Variants in PARVA observed in about 807,000 individuals in gnomAD.
PARVA encodes parvin alpha, also known as alpha-parvin.
A neutral mutation model predicts 52.6 loss-of-function variants in PARVA; 25 were observed. The ratio of observed to expected loss-of-function variants is 0.48; its 90% CI spans 0.35 to 0.66. The LOEUF is 0.66. Among genes scored for constraint, PARVA ranks in the 30% least tolerant of loss-of-function variants. PARVA has a pLI of 0.01. For missense variants in PARVA, 373 were observed against 450.9 expected, an observed-to-expected ratio of 0.83 and a Z score of 1.56; for synonymous variants, 185 against 179.1, an observed-to-expected ratio of 1.03 and a Z score of -0.26.
At chr11:12,504,524 G>A (rs1941407699) in intron 6 of PARVA, 95 bp downstream of exon 6, 7 of 736,298 alleles carry the variant, frequency 9.5e-6, no homozygotes, top group South Asian at 6.8e-5. Flanking sequence ...AAGGATGGCT[G>A]CATGAATGTT....
At chr11:12,384,821 T>C (rs575119431) in intron 1 of PARVA, among the ~76,000 whole-genome samples, 1 of 152,078 alleles carries the variant, frequency 6.6e-6, no homozygotes, top group African/African-American at 2.4e-5. Flanking sequence ...TGGTCCCGGG[T>C]GTAACAAGAG....
intron 10 of PARVA, among the ~76,000 whole-genome samples, chr11:12,516,410 C>T (rs1245499940): frequency 1.3e-5 from 2 of 152,194 alleles, no homozygotes; most frequent in Admixed American, 1.3e-4. Context: ...CCTGGAACCC[C>T]CTACTCCTCC....
intron 1 of PARVA, among the ~76,000 whole-genome samples, chr11:12,453,215 G>A (rs749869817): frequency 3.9e-5 from 6 of 152,008 alleles, no homozygotes; most frequent in Non-Finnish European, 5.9e-5. Context: ...TGTTGTTAGA[G>A]GTAGCTATGG....
chr11:12,527,825 T>C (rs773010005), intron 12 of PARVA, 24 bp from the exon 13 acceptor site: 1 of 1,576,860 alleles, frequency 6.3e-7, no homozygotes, highest in Non-Finnish European at 8.7e-7. Flanking sequence ...TGGAAACAAT[T>C]GGTGTTTTTT....
chr11:12,524,834 C>T (rs1184575168), intron 12 of PARVA, among the ~76,000 whole-genome samples: 1 of 152,218 alleles, frequency 6.6e-6, no homozygotes, highest in African/African-American at 2.4e-5. Context: ...AGGACAGAGG[C>T]AGATGTTAAT....
At chr11:12,513,431 G>T in intron 9 of PARVA, 71 bp downstream of exon 9, 1 of 1,386,804 alleles carries the variant, frequency 7.2e-7, no homozygotes, top group Non-Finnish European at 1.0e-6. Flanking sequence ...ACCCATCCCT[G>T]CAGCTTGCGA....
At chr11:12,523,918 T>C (rs1453991117) in intron 12 of PARVA, among the ~76,000 whole-genome samples, 3 of 152,256 alleles carry the variant, frequency 2.0e-5, no homozygotes, top group African/African-American at 7.2e-5. Flanking sequence ...TTCTCCTGGC[T>C]GAGATAGTCC....
chr11:12,491,043 G>A (rs760046440), intron 4 of PARVA, among the ~76,000 whole-genome samples: 8 of 152,020 alleles, frequency 5.3e-5, no homozygotes, highest in Non-Finnish European at 7.4e-5. Context: ...GAGAAGAATC[G>A]GAAAACCCAC....
chr11:12,503,868 C>T (rs191252326), intron 5 of PARVA, among the ~76,000 whole-genome samples: 2 of 152,256 alleles, frequency 1.3e-5, no homozygotes, highest in East Asian at 1.9e-4. Flanking sequence ...TTAAGAAAGG[C>T]TTGAGGCTGG....
chr11:12,471,636 A>G (rs1940935837), intron 1 of PARVA, among the ~76,000 whole-genome samples: 1 of 152,248 alleles, frequency 6.6e-6, no homozygotes, highest in Admixed American at 6.5e-5. Flanking sequence ...CCTCACTTAA[A>G]TCATGAGAAC....
At chr11:12,415,974 T>C (rs973893801) in intron 1 of PARVA, among the ~76,000 whole-genome samples, 1 of 152,242 alleles carries the variant, frequency 6.6e-6, no homozygotes, top group African/African-American at 2.4e-5. Flanking sequence ...TATGCTTGCC[T>C]TATTGGGGGC....
chr11:12,514,293 ATTG>A (rs1941541819), intron 10 of PARVA, among the ~76,000 whole-genome samples: 1 of 152,230 alleles, frequency 6.6e-6, no homozygotes, highest in South Asian at 2.1e-4. Flanking sequence ...GGATGCACCG[ATTG>A]TTAATATTTG....
intron 6 of PARVA, 91 bp downstream of exon 6, chr11:12,504,520 G>A: frequency 1.3e-6 from 1 of 753,736 alleles, no homozygotes; most frequent in Non-Finnish European, 2.3e-6. Flanking sequence ...TTAGAAGGAT[G>A]GCTGCATGAA....
chr11:12,436,407 C>G (rs1468346104), intron 1 of PARVA, among the ~76,000 whole-genome samples: 1 of 152,192 alleles, frequency 6.6e-6, no homozygotes, highest in Non-Finnish European at 1.5e-5. Context: ...CATTCAGTAA[C>G]AGTCTCCCAT....
chr11:12,486,571 T>G (rs1941161488), intron 4 of PARVA, among the ~76,000 whole-genome samples: 1 of 151,070 alleles, frequency 6.6e-6, no homozygotes, highest in Non-Finnish European at 1.5e-5. Flanking sequence ...TAAAGCTGGG[T>G]GCGGTGGCTC....
At chr11:12,378,165 T>C (rs1939431873) in intron 1 of PARVA, among the ~76,000 whole-genome samples, 1 of 152,062 alleles carries the variant, frequency 6.6e-6, no homozygotes, top group Non-Finnish European at 1.5e-5. Context: ...CCCCGCCCTC[T>C]GCGCCCGAAG....
chr11:12,485,554 T>G (rs1941146921), intron 4 of PARVA, among the ~76,000 whole-genome samples: 1 of 152,158 alleles, frequency 6.6e-6, no homozygotes, highest in African/African-American at 2.4e-5. Flanking sequence ...TGGAATTATT[T>G]GGGGGAAAAA....
intron 1 of PARVA, among the ~76,000 whole-genome samples, chr11:12,379,551 T>G (rs1394250333): frequency 6.6e-6 from 1 of 152,142 alleles, no homozygotes; most frequent in African/African-American, 2.4e-5. Flanking sequence ...TTTGTAACCA[T>G]TAATCAACTT....
chr11:12,449,146 ATTTATTTTTAT>A (rs1940588542), intron 1 of PARVA, among the ~76,000 whole-genome samples: 1 of 151,536 alleles, frequency 6.6e-6, no homozygotes, highest in Non-Finnish European at 1.5e-5. Context: ...TTATTTATTT[ATTTATTTTTAT>A]TTTATTTTAT....
Sources: allele counts gnomAD v4.1 joint callset (sites outside exome capture counted in the v4.1 genomes callset), GRCh38; gene constraint gnomAD v4.1.1; transcripts MANE v1.5; gene names NCBI Gene and HGNC (gene_info 2026-07-23, HGNC 2026-07-21).